The following PABPC4L variants were observed in gnomAD, a reference collection of about 807,000 sequenced individuals.
PABPC4L encodes polyadenylate-binding protein 4-like.
For synonymous variants in PABPC4L, 169 were observed against 164.1 expected (o/e 1.03, Z -0.23); for missense variants, 452 against 451.4 (o/e 1.00, Z -0.01).
the PABPC4L span, among the ~76,000 whole-genome samples, chr4:134,028,298 C>G: frequency 6.6e-6 from 1 of 152,082 alleles, no homozygotes; most frequent in Non-Finnish European, 1.5e-5. Flanking sequence ...AAAGATCGAC[C>G]TTATCATAGC....
At chr4:134,162,160 G>T in the PABPC4L span, among the ~76,000 whole-genome samples, 1 of 151,916 alleles carries the variant, frequency 6.6e-6, no homozygotes, top group Non-Finnish European at 1.5e-5. Context: ...TAAGGAGGAA[G>T]AAGAAAAGAA....
At chr4:134,048,925 C>T in the PABPC4L span, among the ~76,000 whole-genome samples, 2 of 151,904 alleles carry the variant, frequency 1.3e-5, no homozygotes, top group African/African-American at 4.8e-5. Flanking sequence ...CTATATTTTA[C>T]CTGTTATGTT....
At chr4:133,958,686 C>T in the PABPC4L span, among the ~76,000 whole-genome samples, 1 of 152,246 alleles carries the variant, frequency 6.6e-6, no homozygotes, top group South Asian at 2.1e-4. Flanking sequence ...AATACCTCTT[C>T]ACAAGGCAAC....
the PABPC4L span, among the ~76,000 whole-genome samples, chr4:134,121,991 C>T: frequency 9.9e-5 from 15 of 151,692 alleles, no homozygotes; most frequent in African/African-American, 3.4e-4. Flanking sequence ...CTTAGTTACC[C>T]GAAAGTAACT....
At chr4:134,060,138 T>C in the PABPC4L span, among the ~76,000 whole-genome samples, 10 of 152,072 alleles carry the variant, frequency 6.6e-5, no homozygotes, top group South Asian at 2.1e-4. Flanking sequence ...CCCATGGAGA[T>C]AGCATTTAGA....
the PABPC4L span, among the ~76,000 whole-genome samples, chr4:134,146,208 A>C: frequency 6.6e-6 from 1 of 152,112 alleles, no homozygotes; most frequent in East Asian, 1.9e-4. Flanking sequence ...ATTTATTAGC[A>C]AAATAATATA....
the PABPC4L span, among the ~76,000 whole-genome samples, chr4:134,036,920 G>C: frequency 6.6e-6 from 1 of 152,072 alleles, no homozygotes; most frequent in East Asian, 1.9e-4. Context: ...GCCAGGTGTT[G>C]TGGTGCGTGC....
At chr4:134,025,048 G>A in the PABPC4L span, among the ~76,000 whole-genome samples, 3 of 150,110 alleles carry the variant, frequency 2.0e-5, no homozygotes, top group East Asian at 6.1e-4. Flanking sequence ...CTGGATTACA[G>A]GGCCAGGCAC....
At chr4:134,066,746 T>C in the PABPC4L span, among the ~76,000 whole-genome samples, 4 of 152,106 alleles carry the variant, frequency 2.6e-5, no homozygotes, top group African/African-American at 9.6e-5. Context: ...GCTTTTAACA[T>C]GAAGAGAGGT....
At chr4:134,109,800 G>T in the PABPC4L span, among the ~76,000 whole-genome samples, 1 of 150,218 alleles carries the variant, frequency 6.7e-6, no homozygotes, top group Non-Finnish European at 1.5e-5. Flanking sequence ...GGCTGGCAAT[G>T]GCATGGTCTC....
At chr4:134,059,391 T>G in the PABPC4L span, among the ~76,000 whole-genome samples, 1 of 149,070 alleles carries the variant, frequency 6.7e-6, no homozygotes, top group Non-Finnish European at 1.5e-5. Context: ...ACAAACTATA[T>G]ATATATATAT....
At chr4:133,974,004 C>CTAAATA in the PABPC4L span, among the ~76,000 whole-genome samples, 1 of 152,142 alleles carries the variant, frequency 6.6e-6, no homozygotes, top group Non-Finnish European at 1.5e-5. Context: ...TTGAGATAAT[C>CTAAATA]TAAATCTAAA....
the PABPC4L span, among the ~76,000 whole-genome samples, chr4:134,099,981 C>T: frequency 1.3e-5 from 2 of 151,600 alleles, no homozygotes. Flanking sequence ...CAGTATTATC[C>T]CCCATTTCTA....
chr4:134,079,612 C>A, the PABPC4L span, among the ~76,000 whole-genome samples: 98 of 91,862 alleles, frequency 1.1e-3, no homozygotes, highest in Non-Finnish European at 1.5e-3. Context: ...AAAAAAAAAA[C>A]TGTGCATCTT....
the PABPC4L span, among the ~76,000 whole-genome samples, chr4:134,172,901 G>T: frequency 6.6e-6 from 1 of 151,650 alleles, no homozygotes; most frequent in Non-Finnish European, 1.5e-5. Context: ...TGGATAAAAG[G>T]TATGAGCAGA....
the PABPC4L span, among the ~76,000 whole-genome samples, chr4:134,072,995 C>T: frequency 1.3e-5 from 2 of 152,048 alleles, no homozygotes; most frequent in Non-Finnish European, 2.9e-5. Context: ...GATGAGATTT[C>T]GGTGGGGACA....
At chr4:134,077,314 G>A in the PABPC4L span, among the ~76,000 whole-genome samples, 1 of 152,050 alleles carries the variant, frequency 6.6e-6, no homozygotes, top group Non-Finnish European at 1.5e-5. Context: ...TGGGCACAGA[G>A]TCTTACTTTT....
chr4:134,174,327 A>G, the PABPC4L span, among the ~76,000 whole-genome samples: 1 of 152,170 alleles, frequency 6.6e-6, no homozygotes, highest in South Asian at 2.1e-4. Context: ...ATCCCAAATG[A>G]ATAATAAATA....
At chr4:134,012,702 G>C in the PABPC4L span, among the ~76,000 whole-genome samples, 2 of 152,168 alleles carry the variant, frequency 1.3e-5, no homozygotes, top group Non-Finnish European at 2.9e-5. Flanking sequence ...CCATGAGAAA[G>C]ATCCACTTAC....
Sources: allele counts gnomAD v4.1 joint callset (sites outside exome capture counted in the v4.1 genomes callset), GRCh38; gene constraint gnomAD v4.1.1; transcripts MANE v1.5; gene names NCBI Gene and HGNC (gene_info 2026-07-23, HGNC 2026-07-21).